The following TBC1D1 variants were observed in gnomAD, a reference collection of about 807,000 sequenced individuals.
TBC1D1 encodes TBC1 domain family member 1.
TBC1D1 carries 89 observed loss-of-function variants against 125.6 expected under a neutral mutation model. The observed-to-expected ratio is 0.71, with a 90% CI of 0.60 to 0.85. TBC1D1 has a LOEUF of 0.85. Ranked by LOEUF, TBC1D1 falls within the 40% of genes least tolerant of loss-of-function variation. The pLI, the probability that TBC1D1 is intolerant of heterozygous loss-of-function variation, is 0.00. For synonymous variants in TBC1D1, 565 were observed against 564.1 expected, an observed-to-expected ratio of 1.00 and a Z score of -0.02; for missense variants, 1,377 against 1,469.2, an observed-to-expected ratio of 0.94 and a Z score of 1.03.
At chr4:38,078,675 G>A (rs963136277) in intron 12 of TBC1D1, among the ~76,000 whole-genome samples, 9 of 152,218 alleles carry the variant, frequency 5.9e-5, no homozygotes, top group Admixed American at 5.9e-4. Flanking sequence ...CAGGAAGAGA[G>A]AGGGCTCTCA....
chr4:37,944,932 C>T (rs988512743), intron 2 of TBC1D1, among the ~76,000 whole-genome samples: 4 of 152,150 alleles, frequency 2.6e-5, no homozygotes, highest in Admixed American at 6.5e-5. Context: ...TCGTTCACGC[C>T]GGGAGCTGTA....
chr4:37,933,937 C>T (rs559601883), intron 2 of TBC1D1, among the ~76,000 whole-genome samples: 1 of 152,290 alleles, frequency 6.6e-6, no homozygotes, highest in East Asian at 1.9e-4. Context: ...AGGAGAGACA[C>T]ATCTCAGGAG....
intron 2 of TBC1D1, among the ~76,000 whole-genome samples, chr4:37,979,603 A>G (rs1733939602): frequency 6.6e-6 from 1 of 152,262 alleles, no homozygotes. Flanking sequence ...CCCTTCAGAA[A>G]CACACAGCTG....
At chr4:38,103,923 G>T (rs1760807090) in intron 15 of TBC1D1, among the ~76,000 whole-genome samples, 1 of 152,044 alleles carries the variant, frequency 6.6e-6, no homozygotes, top group Non-Finnish European at 1.5e-5. Context: ...ACTTTGGGAG[G>T]CCAAGGCTGG....
intron 2 of TBC1D1, among the ~76,000 whole-genome samples, chr4:37,912,156 G>T (rs149128900): frequency 3.3e-5 from 5 of 152,144 alleles, no homozygotes; most frequent in Non-Finnish European, 7.3e-5. Flanking sequence ...AACTAAAGTC[G>T]CTCCTAAATT....
At chr4:37,936,615 C>T (rs1404790910) in intron 2 of TBC1D1, among the ~76,000 whole-genome samples, 1 of 152,184 alleles carries the variant, frequency 6.6e-6, no homozygotes, top group Non-Finnish European at 1.5e-5. Context: ...CAGAAAGGTC[C>T]TTGCTTCCTT....
chr4:38,138,305 A>G lies in TBC1D1; in HGVS notation c.*970A>G, dbSNP rs533520611. On this transcript the variant is annotated 3_prime_UTR_variant, in exon 20 of 20. Transcript: ENST00000261439. ...TGAGATATTTCTTTGTGGTAGTTTC[A>G]TACCCATACTATAGAGTCATGTATT... 1 of 152,220 alleles carries G rather than the reference A, an allele frequency of 6.6e-6. No individual in the cohort carries two copies. 9.4% of individuals were successfully genotyped at this position (152,220 alleles called of 1,614,324 possible).
intron 12 of TBC1D1, among the ~76,000 whole-genome samples, chr4:38,068,316 A>G (rs995232450): frequency 6.6e-6 from 1 of 152,186 alleles, no homozygotes; most frequent in Non-Finnish European, 1.5e-5. Context: ...GGAATGTTCT[A>G]GCATTCCCTG....
intron 3 of TBC1D1, among the ~76,000 whole-genome samples, 177 bp from the exon 4 acceptor site, chr4:38,018,177 G>A (rs1743222124): frequency 6.6e-6 from 1 of 152,176 alleles, no homozygotes; most frequent in South Asian, 2.1e-4. Flanking sequence ...TCTAGGTGAA[G>A]GCACTAATAG....
chr4:37,977,641 G>A lies in TBC1D1; in HGVS notation c.418-36868G>A. 1 of 220,940 alleles carries A rather than the reference G, an allele frequency of 4.5e-6. No individual in the cohort carries two copies. Among genetic ancestry groups the A allele is most frequent in the Non-Finnish European group, 7.8e-6 (1 of 128,168 alleles). 13.7% of individuals were successfully genotyped at this position (220,940 alleles called of 1,614,324 possible). ...GCCGGGCCGCTGGAGGCCAGGCGCGGCGGGGGGCGAGCGGCGGGCGCGACC... is the reference window on the plus strand; with the variant it reads ...GCCGGGCCGCTGGAGGCCAGGCGCGACGGGGGGCGAGCGGCGGGCGCGACC... On this transcript the variant is annotated intron_variant, in intron 2 of 19. Coordinates refer to ENST00000261439, the MANE Select transcript of TBC1D1 (RefSeq NM_015173.4). This position sits in a 1 kb window ranked among gnomAD's most constrained non-coding sequence, Gnocchi z 4.3.
At chr4:37,951,396 T>C (rs1461507269) in intron 2 of TBC1D1, among the ~76,000 whole-genome samples, 2 of 152,184 alleles carry the variant, frequency 1.3e-5, no homozygotes, top group Non-Finnish European at 2.9e-5. Context: ...ATTTGACATT[T>C]TCCATAAATA....
chr4:37,918,246 A>G (rs1560475002), intron 2 of TBC1D1, among the ~76,000 whole-genome samples: 1 of 152,232 alleles, frequency 6.6e-6, no homozygotes, highest in Non-Finnish European at 1.5e-5. Context: ...CTCATGATAA[A>G]TGAGGTGACT....
intron 11 of TBC1D1, among the ~76,000 whole-genome samples, chr4:38,051,066 T>A (rs192207792): frequency 9.1e-4 from 138 of 152,358 alleles, no homozygotes; most frequent in Non-Finnish European, 1.6e-3. Flanking sequence ...TGCCCACTCC[T>A]CTGTTGTTGG....
chr4:38,079,489 C>T (rs1409299249), intron 12 of TBC1D1, among the ~76,000 whole-genome samples: 1 of 152,032 alleles, frequency 6.6e-6, no homozygotes, highest in African/African-American at 2.4e-5. Context: ...GTTGGGAGGC[C>T]GAGGCGGGCA....
intron 12 of TBC1D1, among the ~76,000 whole-genome samples, chr4:38,055,411 T>C (rs768958474): frequency 1.3e-5 from 2 of 152,202 alleles, no homozygotes; most frequent in Non-Finnish European, 2.9e-5. Context: ...GCCACACTGA[T>C]AGAGACAAGG....
At chr4:37,915,627 C>T (rs781399395) in intron 2 of TBC1D1, among the ~76,000 whole-genome samples, 1 of 152,182 alleles carries the variant, frequency 6.6e-6, no homozygotes, top group Non-Finnish European at 1.5e-5. Context: ...CTAGAAACAC[C>T]TTCACAGACA....
rs143407331 is a variant in TBC1D1, at chr4:38,034,418, A to G, written c.1303-1170A>G. On this transcript the variant is annotated intron_variant, in intron 7 of 19. Transcript: ENST00000261439. ...GGCCTCAATGAAAACAAACCCTTCT[A>G]ATCATTAACTATCCTTTCCTTAAGT... 5.0e-3 allele frequency among the ~76,000 whole-genome samples: 766 copies of G among 152,352 alleles called. 5 individuals are homozygous for G. Among genetic ancestry groups the G allele is most frequent in the African/African-American group, 0.018 (733 of 41,578 alleles).
intron 2 of TBC1D1, among the ~76,000 whole-genome samples, chr4:37,927,359 G>A (rs773827732): frequency 1.3e-5 from 2 of 151,934 alleles, no homozygotes; most frequent in African/African-American, 4.8e-5. Context: ...CTATTTTTTT[G>A]TGTGTGCCTT....
At chr4:38,054,799 T>C (rs1436563044) in intron 12 of TBC1D1, among the ~76,000 whole-genome samples, 1 of 152,190 alleles carries the variant, frequency 6.6e-6, no homozygotes, top group East Asian at 1.9e-4. Context: ...CCTTTTGACC[T>C]GGGGTTTTAT....
Sources: allele counts gnomAD v4.1 joint callset (sites outside exome capture counted in the v4.1 genomes callset), GRCh38; gene constraint gnomAD v4.1.1; non-coding constraint Gnocchi (gnomAD v3.1); transcripts MANE v1.5; gene names NCBI Gene and HGNC (gene_info 2026-07-23, HGNC 2026-07-21).